Variants in KATNAL2 observed in about 807,000 individuals in gnomAD.
The protein encoded by KATNAL2 is katanin catalytic subunit A1 like 2, also known as katanin p60 ATPase-containing subunit A-like 2.
In KATNAL2, 52 loss-of-function variants were observed where a neutral mutation model predicts 76.3. The ratio of observed to expected loss-of-function variants is 0.68; its 90% CI spans 0.55 to 0.86. The LOEUF is 0.86. Among genes scored for constraint, KATNAL2 ranks in the 40% least tolerant of loss-of-function variants. The pLI, the probability that KATNAL2 is intolerant of heterozygous loss-of-function variation, is 0.00. For missense variants in KATNAL2, 660 were observed against 668.9 expected, an observed-to-expected ratio of 0.99 and a Z score of 0.15; for synonymous variants, 243 against 244.2, an observed-to-expected ratio of 1.00 and a Z score of 0.05.
chr18:47,092,188 G>T (rs769444222), intron 15 of KATNAL2, among the ~76,000 whole-genome samples: 41 of 152,098 alleles, frequency 2.7e-4, no homozygotes, highest in Admixed American at 6.6e-4. Context: ...TAAATGTAAT[G>T]ATTTAGCTTC....
intron 4 of KATNAL2, among the ~76,000 whole-genome samples, chr18:47,052,462 G>T (rs531014527): frequency 1.1e-4 from 16 of 152,176 alleles, no homozygotes; most frequent in Admixed American, 7.9e-4. Context: ...GTTGAATTTG[G>T]GTTTTATCAT....
chr18:47,040,294 T>C (rs2060919962), intron 3 of KATNAL2, among the ~76,000 whole-genome samples: 1 of 152,228 alleles, frequency 6.6e-6, no homozygotes, highest in Non-Finnish European at 1.5e-5. Context: ...ACCACAGTTG[T>C]TTGTTTCTGG....
intron 13 of KATNAL2, among the ~76,000 whole-genome samples, chr18:47,074,540 A>G (rs1475891498): frequency 6.6e-6 from 1 of 152,206 alleles, no homozygotes; most frequent in Non-Finnish European, 1.5e-5. Flanking sequence ...GGTTAAAAAA[A>G]TAAAGGTTTA....
At chr18:46,958,967 C>T (rs1442610807) in intron 3 of KATNAL2, among the ~76,000 whole-genome samples, 1 of 152,154 alleles carries the variant, frequency 6.6e-6, no homozygotes, top group African/African-American at 2.4e-5. Context: ...TTTTATATTA[C>T]AAAATATCGA....
chr18:46,922,873 T>C (rs1157052541), intron 1 of KATNAL2, among the ~76,000 whole-genome samples: 2 of 148,514 alleles, frequency 1.3e-5, no homozygotes, highest in East Asian at 1.9e-4. Context: ...ATAAGATTTA[T>C]AATTTAATAT....
intron 10 of KATNAL2, among the ~76,000 whole-genome samples, chr18:47,066,443 T>C (rs1017332326): frequency 1.3e-5 from 2 of 152,190 alleles, no homozygotes. Flanking sequence ...GTCAGCTTCC[T>C]TGAATTCTGT....
rs2060731325 is a variant in KATNAL2, at chr18:47,035,500, G to A, written c.52-10957G>A. The stretch of plus-strand genomic sequence containing the variant: ...CCGCTTTTGTTCCTCGGGATGTGGA[G>A]CCACAGCCTGGAGTGACCTCTGCAG... On this transcript the variant is annotated intron_variant, in intron 3 of 17. Coordinates refer to ENST00000683218, the MANE Select transcript of KATNAL2 (RefSeq NM_001387690.1). 2.4e-5 allele frequency: 20 copies of A among 838,492 alleles called. No individual in the cohort carries two copies. The South Asian group carries it at 3.3e-4, about 14-fold the overall frequency. The allele number at this position is 838,492 out of a possible 1,614,324, so 51.9% of individuals were successfully genotyped here.
At chr18:47,081,955 C>T (rs965647866) in intron 15 of KATNAL2, among the ~76,000 whole-genome samples, 6 of 152,122 alleles carry the variant, frequency 3.9e-5, no homozygotes, top group African/African-American at 1.4e-4. Context: ...ATTTCCCATT[C>T]AGATTTAGGA....
rs772612764 is a variant in KATNAL2 at position 47,034,941 on chromosome 18, C to A, written c.52-11516C>A. The A allele has an allele frequency of 3.1e-6, 5 of 1,611,744 alleles. 1 individual carries two copies. The highest frequency in any genetic ancestry group is 4.2e-6 in the Non-Finnish European group (5 of 1,179,784). On this transcript the variant is annotated intron_variant, in intron 3 of 17. Coordinates refer to ENST00000683218, the MANE Select transcript of KATNAL2 (RefSeq NM_001387690.1). ...TCGCGTTTTCTGGGAAGCCCCAGGC[C>A]TTTTCCTGGTCCTGAAGAGCCTCCC...
intron 3 of KATNAL2, among the ~76,000 whole-genome samples, chr18:46,957,100 T>A (rs2059773914): frequency 6.6e-6 from 1 of 151,542 alleles, no homozygotes; most frequent in Non-Finnish European, 1.5e-5. Context: ...GGAGTGGGAC[T>A]GCTTTGCCAG....
intron 15 of KATNAL2, among the ~76,000 whole-genome samples, chr18:47,093,761 T>C (rs1271654857): frequency 1.3e-5 from 2 of 152,218 alleles, no homozygotes; most frequent in Non-Finnish European, 2.9e-5. Flanking sequence ...TCCTCCTACC[T>C]TGGCCTCCTA....
At chr18:46,941,709 A>G (rs1436574193) in intron 1 of KATNAL2, among the ~76,000 whole-genome samples, 2 of 152,140 alleles carry the variant, frequency 1.3e-5, no homozygotes, top group African/African-American at 4.8e-5. Context: ...TTTGGAGTCA[A>G]TTTTGCACAC....
chr18:47,046,667 G>A, intron 4 of KATNAL2, 140 bp downstream of exon 4: 1 of 670,150 alleles, frequency 1.5e-6, no homozygotes, highest in Non-Finnish European at 2.5e-6. Flanking sequence ...AGAAAGTACA[G>A]AGTTCTGTAT....
At chr18:47,034,713 AGGGCCCTC>A in intron 3 of KATNAL2, 1 of 1,612,940 alleles carries the variant, frequency 6.2e-7, no homozygotes. Flanking sequence ...CAGCGGGCTC[AGGGCCCTC>A]GGGCATCCGG....
chr18:47,034,524 A>C, intron 3 of KATNAL2: 1 of 1,614,172 alleles, frequency 6.2e-7, no homozygotes, highest in Non-Finnish European at 8.5e-7. Context: ...CCCTGATCAA[A>C]GTAGGGGAGT....
chr18:46,954,410 A>G (rs1173693867), intron 3 of KATNAL2, among the ~76,000 whole-genome samples: 1 of 143,722 alleles, frequency 7.0e-6, no homozygotes, highest in Admixed American at 7.4e-5. Flanking sequence ...GGCTCACTGC[A>G]ACCTCTGCCT....
intron 2 of KATNAL2, 59 bp from the exon 3 acceptor site, chr18:46,946,795 T>G (rs1027499716): frequency 2.1e-6 from 3 of 1,426,236 alleles, no homozygotes. Context: ...TGGTTAAGCG[T>G]CAGGTTCCTT....
At chr18:46,955,182 C>CTTTCTTTCTTTCTTTCTTTCTTTCTTTT (rs1360271950) in intron 3 of KATNAL2, among the ~76,000 whole-genome samples, 2 of 132,518 alleles carry the variant, frequency 1.5e-5, no homozygotes, top group Non-Finnish European at 1.6e-5. Context: ...TTCTTTCTTT[C>CTTTCTTTCTTTCTTTCTTTCTTTCTTTT]TTTCCTCTCT....
intron 1 of KATNAL2, among the ~76,000 whole-genome samples, chr18:46,928,063 C>T (rs2058785532): frequency 6.6e-6 from 1 of 152,178 alleles, no homozygotes; most frequent in African/African-American, 2.4e-5. Flanking sequence ...GTTTGATCGT[C>T]TGAAGCCTTC....
Sources: gnomAD v4.1 joint callset for allele counts (sites outside exome capture counted in the v4.1 genomes callset) on GRCh38, gnomAD v4.1.1 for gene constraint, MANE v1.5 for transcripts, NCBI Gene and HGNC (gene_info 2026-07-23, HGNC 2026-07-21) for gene names.